ANXA4: variants seen among roughly 807,000 people sequenced by gnomAD.
The protein encoded by ANXA4 is 35-beta calcimedin.
A neutral mutation model predicts 49.8 loss-of-function variants in ANXA4; 39 were observed. The observed-to-expected ratio is 0.78, with a 90% CI of 0.61 to 1.02. ANXA4 has a LOEUF of 1.02. Among genes scored for constraint, ANXA4 ranks in the 50% least tolerant of loss-of-function variants. The pLI, the probability that ANXA4 is intolerant of heterozygous loss-of-function variation, is 0.00. For synonymous variants in ANXA4, 134 were observed against 152.5 expected (o/e 0.88, Z 0.89); for missense variants, 360 against 410.1 (o/e 0.88, Z 1.05).
intron 3 of ANXA4, among the ~76,000 whole-genome samples, chr2:69,789,624 A>G (rs1672586627): frequency 6.6e-6 from 1 of 152,120 alleles, no homozygotes; most frequent in Admixed American, 6.5e-5. Context: ...CGGGTTGCCA[A>G]GTGGTAGTAA....
chr2:69,653,345 A>G (rs1676322585), intron 2 of ANXA4: 1 of 152,232 alleles, frequency 6.6e-6, no homozygotes. Flanking sequence ...TTACAGTCCA[A>G]TTGAGATGCT....
intron 1 of ANXA4, among the ~76,000 whole-genome samples, chr2:69,751,025 G>A (rs1670819633): frequency 6.6e-6 from 1 of 152,174 alleles, no homozygotes; most frequent in Non-Finnish European, 1.5e-5. Context: ...CCCTGTGCCA[G>A]ACATCTGGTA....
At chr2:69,701,498 C>T (rs754481689) in intron 2 of ANXA4, among the ~76,000 whole-genome samples, 1 of 152,214 alleles carries the variant, frequency 6.6e-6, no homozygotes, top group Non-Finnish European at 1.5e-5. Context: ...CTTAGCGTAA[C>T]GTCCTCAAGG....
intron 1 of ANXA4, among the ~76,000 whole-genome samples, chr2:69,649,652 C>A (rs946074338): frequency 6.9e-6 from 1 of 145,782 alleles, no homozygotes; most frequent in African/African-American, 2.5e-5. Flanking sequence ...CGCCCTACCG[C>A]CCAGGCTGGA....
intron 7 of ANXA4, among the ~76,000 whole-genome samples, chr2:69,811,848 T>C (rs1156532177): frequency 2.6e-5 from 4 of 152,342 alleles, no homozygotes; most frequent in East Asian, 1.9e-4. Context: ...GTGTCTCATA[T>C]TTCTTTCCCA....
intron 12 of ANXA4, among the ~76,000 whole-genome samples, chr2:69,824,657 A>G (rs1178256010): frequency 6.6e-6 from 1 of 152,262 alleles, no homozygotes; most frequent in Non-Finnish European, 1.5e-5. Flanking sequence ...AAAAATTGAA[A>G]CAACGTAAAT....
At chr2:69,697,742 G>T (rs1360593847) in intron 2 of ANXA4, among the ~76,000 whole-genome samples, 1 of 152,138 alleles carries the variant, frequency 6.6e-6, no homozygotes, top group Non-Finnish European at 1.5e-5. Context: ...GAGCAGTGGA[G>T]CAGTCAGTAT....
upstream of ANXA4, among the ~76,000 whole-genome samples, chr2:69,739,294 T>C (rs534539807): frequency 9.8e-5 from 15 of 152,356 alleles, no homozygotes; most frequent in South Asian, 3.1e-3. Context: ...CTGAGGTCTG[T>C]TAAGTCAGTT....
upstream of ANXA4, chr2:69,644,052 C>G (rs1191583797): frequency 3.9e-6 from 1 of 257,936 alleles, no homozygotes; most frequent in African/African-American, 2.3e-5. Context: ...GAGGAGAGGG[C>G]GAGGCGGCAG....
chr2:69,816,108 A>T lies in ANXA4; in HGVS notation c.542A>T (p.Tyr181Phe), dbSNP rs756257434. ...ALVRQDAQDL[Y>F]EAGEKKWGTD... is the part of the protein sequence containing the mutation. ...TGCTTTGTTTGGCTTCAGGACCTGT[A>T]TGAGGCTGGAGAGAAGAAATGGGGG... The change falls in exon 9 of 13, where the codon TAT becomes TTT. Residue 181 changes from tyrosine to phenylalanine, a missense_variant. Tyr to Phe is a conservative substitution (Grantham distance 22). Coordinates refer to ENST00000394295, the MANE Select transcript of ANXA4 (RefSeq NM_001153.5). The T allele has an allele frequency of 6.2e-7, 1 of 1,614,008 alleles. No individual in the cohort carries two copies. Among genetic ancestry groups the T allele is most frequent in the Non-Finnish European group, 8.5e-7 (1 of 1,179,884 alleles).
At chr2:69,704,449 T>C (rs13383061) in intron 2 of ANXA4, among the ~76,000 whole-genome samples, 38,847 of 152,136 alleles carry the variant, frequency 0.26, 6,071 homozygotes, top group East Asian at 0.45. Flanking sequence ...ACTGGCAGTT[T>C]TTCTGGTCTG....
At chr2:69,772,966 G>A (rs1424787269) in intron 1 of ANXA4, among the ~76,000 whole-genome samples, 2 of 151,770 alleles carry the variant, frequency 1.3e-5, no homozygotes, top group African/African-American at 4.8e-5. Context: ...GCAGTGAGCC[G>A]AGATCATGCC....
intron 1 of ANXA4, among the ~76,000 whole-genome samples, chr2:69,754,257 A>G (rs1358881662): frequency 6.6e-6 from 1 of 152,116 alleles, no homozygotes; most frequent in Non-Finnish European, 1.5e-5. Context: ...CTCATACTTG[A>G]TGTAAGGTCA....
At chr2:69,745,205 G>A (rs184661165) in intron 1 of ANXA4, among the ~76,000 whole-genome samples, 3 of 152,292 alleles carry the variant, frequency 2.0e-5, no homozygotes, top group Admixed American at 6.5e-5. Context: ...GAATAAACTC[G>A]CTCTTTGAGG....
At chr2:69,686,145 AATT>A (rs890757838) in intron 2 of ANXA4, among the ~76,000 whole-genome samples, 4 of 152,122 alleles carry the variant, frequency 2.6e-5, no homozygotes, top group Non-Finnish European at 4.4e-5. Flanking sequence ...TAATTTTTAA[AATT>A]ATTATTATTA....
chr2:69,767,126 A>C (rs549829606), intron 1 of ANXA4, among the ~76,000 whole-genome samples: 12 of 152,336 alleles, frequency 7.9e-5, no homozygotes, highest in African/African-American at 2.6e-4. Context: ...ACTGCCATCC[A>C]GGGCTGGAAA....
At chr2:69,648,883 C>CTTTTTTTTTTT (rs199698315) in intron 1 of ANXA4, among the ~76,000 whole-genome samples, 3 of 105,778 alleles carry the variant, frequency 2.8e-5, no homozygotes, top group East Asian at 3.7e-4. Flanking sequence ...TTCTTTCTTT[C>CTTTTTTTTTTT]TTTTCTTTTT....
Position 69,763,999 on chromosome 2 carries a change from A to G in ANXA4, c.-46-17521A>G, listed in dbSNP as rs113245060. ...GACGTGGTCCTCTTCTTTTATCTCT[A>G]AGACTTATGATTGCTAAGACAACAA... On this transcript the variant is annotated intron_variant, in intron 1 of 12. Transcript: ENST00000394295. Among the ~76,000 whole-genome samples the G allele has an allele frequency of 6.4e-3, 979 of 152,130 alleles. 16 individuals carry two copies. Among genetic ancestry groups the G allele is most frequent in the Middle Eastern group, 0.024 (7 of 294 alleles).
At chr2:69,804,160 T>A (rs953705554) in intron 3 of ANXA4, among the ~76,000 whole-genome samples, 105 of 116,964 alleles carry the variant, frequency 9.0e-4, no homozygotes, top group Admixed American at 2.1e-3. Context: ...AAAAAAAAAA[T>A]ATTCTAGAGG....
Sources: allele counts gnomAD v4.1 joint callset (sites outside exome capture counted in the v4.1 genomes callset), GRCh38; gene constraint gnomAD v4.1.1; transcripts MANE v1.5; gene names NCBI Gene and HGNC (gene_info 2026-07-23, HGNC 2026-07-21).